Variants in ANKRD31 observed in about 807,000 individuals in gnomAD.
The protein encoded by ANKRD31 is ankyrin repeat domain 31, also known as ankyrin repeat domain-containing protein 31.
A neutral mutation model predicts 186.0 loss-of-function variants in ANKRD31; 147 were observed. The observed-to-expected ratio is 0.79, with a 90% confidence interval of 0.69 to 0.91. The LOEUF is 0.91. Ranked by LOEUF, ANKRD31 falls within the 40% of genes least tolerant of loss-of-function variation. ANKRD31 has a pLI of 0.00. For synonymous variants in ANKRD31, 673 were observed against 736.4 expected (o/e 0.91, Z 1.39); for missense variants, 1,986 against 2,148.8 (o/e 0.92, Z 1.50).
Position 75,147,376 on chromosome 5 carries a change from A to T in ANKRD31, c.2035T>A (p.Tyr679Asn). The T allele has an allele frequency of 3.9e-6, 6 of 1,528,422 alleles. No individual in the cohort carries two copies. Among genetic ancestry groups the T allele is most frequent in the Non-Finnish European group, 5.2e-6 (6 of 1,143,246 alleles). The allele number at this position is 1,528,422 out of a possible 1,614,324, so 94.7% of individuals were successfully genotyped here. A position where few individuals can be genotyped will look rare whatever the true frequency, so the allele number is the denominator to read the frequency against. The change falls in exon 14 of 26, where the codon TAT (tyrosine) becomes AAT (asparagine). Residue 679 changes from tyrosine (Y) to asparagine (N), a missense_variant. Tyr to Asn is a moderately radical substitution (Grantham distance 143, BLOSUM62 -2). Transcript: ENST00000506364. ...TTGGGATCTTTTTGGTAATATTCAT[A>T]TACATCTTCTTTATTTATAAATAAA... ...ASLFINKEDV[Y>N]EYYQKDPKNT...
chr5:75,155,327 A>T (rs1345976384), intron 11 of ANKRD31, among the ~76,000 whole-genome samples: 1 of 152,060 alleles, frequency 6.6e-6, no homozygotes, highest in Admixed American at 6.6e-5. Flanking sequence ...ATGGTCATAT[A>T]TTATATACAC....
rs557116618 is a variant in ANKRD31 at position 75,145,604 on chromosome 5, G to A, written c.3424+383C>T. On this transcript the variant is annotated intron_variant, in intron 14 of 25. Coordinates refer to ENST00000506364, the MANE Select transcript of ANKRD31 (RefSeq NM_001372053.1). Reference sequence around the variant, plus strand: ...CATGGGGTGGGGGGGCTACTGGTGGGATAGCATTAGAAGAAATACCTAAGG... The same window carrying A: ...CATGGGGTGGGGGGGCTACTGGTGGAATAGCATTAGAAGAAATACCTAAGG... Among the ~76,000 whole-genome samples, 68 of 152,036 alleles carry A rather than the reference G, an allele frequency of 4.5e-4. No individual in the cohort carries two copies. The South Asian group carries it at 6.7e-3, about 15-fold the overall frequency.
intron 22 of ANKRD31, among the ~76,000 whole-genome samples, chr5:75,094,890 A>G (rs1746194626): frequency 6.6e-6 from 1 of 152,206 alleles, no homozygotes; most frequent in Non-Finnish European, 1.5e-5. Context: ...ATGGCTATAC[A>G]ATATCAAACA....
At chr5:75,226,786 G>A (rs181750300) in intron 2 of ANKRD31, among the ~76,000 whole-genome samples, 12 of 152,318 alleles carry the variant, frequency 7.9e-5, no homozygotes, top group Admixed American at 6.5e-4. Context: ...TGGTGAAGAT[G>A]TGGAGAAAAG....
intron 5 of ANKRD31, 27 bp from the exon 6 acceptor site, chr5:75,199,701 C>A: frequency 6.6e-7 from 1 of 1,525,204 alleles, no homozygotes; most frequent in Non-Finnish European, 8.8e-7. Flanking sequence ...TGTTTTCATT[C>A]CAGTTTTATG....
chr5:75,187,423 G>A (rs1220700649), intron 10 of ANKRD31, among the ~76,000 whole-genome samples: 1 of 151,568 alleles, frequency 6.6e-6, no homozygotes, highest in African/African-American at 2.4e-5. Context: ...AAGACAAGAA[G>A]GGAACAGCCA....
At chr5:75,089,759 T>C (rs1329172679) in intron 23 of ANKRD31, among the ~76,000 whole-genome samples, 1 of 152,260 alleles carries the variant, frequency 6.6e-6, no homozygotes, top group African/African-American at 2.4e-5. Context: ...TATCTGATAA[T>C]TGCCCTACTT....
chr5:75,163,117 T>A (rs1752681024), intron 11 of ANKRD31, among the ~76,000 whole-genome samples: 1 of 152,226 alleles, frequency 6.6e-6, no homozygotes, highest in Non-Finnish European at 1.5e-5. Flanking sequence ...GTTCTTTTTG[T>A]TAGAGTATAT....
At position 75,112,591 on chromosome 5, in the gene ANKRD31, G is replaced by C. The variant is rs1480259042; in HGVS notation, c.4165C>G (p.Leu1389Val). 1.3e-6 allele frequency: 2 copies of C among 1,517,116 alleles called. No individual in the cohort carries two copies. Among genetic ancestry groups the C allele is most frequent in the African/African-American group, 2.8e-5 (2 of 72,224 alleles). 94.0% of individuals were successfully genotyped at this position (1,517,116 alleles called of 1,614,324 possible). A position where few individuals can be genotyped will look rare whatever the true frequency, so the allele number is the denominator to read the frequency against. Residue 1389 changes from leucine (L) to valine (V), a missense_variant, in exon 20 of 26, where the codon CTC (leucine) becomes GTC (valine). Coordinates refer to ENST00000506364, the MANE Select transcript of ANKRD31 (RefSeq NM_001372053.1). ...TCTATATCTTGTAGAATGGCACTGA[G>C]GGTCTGATGCTATCAGATAAAAATA... ...SRESLSVHQT[L>V]SAILQDIEEK...
At chr5:75,216,827 T>C (rs142277253) in intron 3 of ANKRD31, among the ~76,000 whole-genome samples, 5 of 151,768 alleles carry the variant, frequency 3.3e-5, no homozygotes, top group Admixed American at 2.0e-4. Flanking sequence ...TAAAAAAAAA[T>C]TGAGATCTTT....
chr5:75,092,370 C>T (rs1397677119), intron 22 of ANKRD31, among the ~76,000 whole-genome samples: 2 of 152,298 alleles, frequency 1.3e-5, no homozygotes, highest in African/African-American at 4.8e-5. Flanking sequence ...GGAACTATCC[C>T]TTCAAAGGAG....
At chr5:75,119,938 A>G (rs887890135) in intron 17 of ANKRD31, among the ~76,000 whole-genome samples, 14 of 152,162 alleles carry the variant, frequency 9.2e-5, no homozygotes, top group Admixed American at 5.2e-4. Context: ...AAACTTCGAA[A>G]CCCCATCATT....
chr5:75,164,489 A>C (rs562270784), intron 11 of ANKRD31, among the ~76,000 whole-genome samples: 1 of 152,348 alleles, frequency 6.6e-6, no homozygotes, highest in South Asian at 2.1e-4. Context: ...AGAGCTTTTT[A>C]AAGGTAGAGA....
chr5:75,196,117 C>T lies in ANKRD31; in HGVS notation c.531G>A (p.Lys177=), dbSNP rs2150251641. ...TCTCTGGCTCTACTAATGATGTCTC[C>T]TTTACAGCAACTGTATCAGATACTG... ...AITVSDTVAV[K]ETSLVEPEKI... The change falls in exon 7 of 26, where the codon AAG becomes AAA. Residue 177 remains lysine (K), a synonymous_variant. Transcript: ENST00000506364. The T allele has an allele frequency of 6.5e-7, 1 of 1,535,614 alleles. No homozygotes were observed. The highest frequency in any genetic ancestry group is 1.7e-4 in the Middle Eastern group (1 of 5,972).
chr5:75,204,157 T>C (rs750464433), intron 5 of ANKRD31, among the ~76,000 whole-genome samples: 1 of 152,206 alleles, frequency 6.6e-6, no homozygotes, highest in South Asian at 2.1e-4. Context: ...TTGAAATAAT[T>C]TTTTACCATT....
rs570362277 is a variant in ANKRD31 at position 75,134,553 on chromosome 5, A to G, written c.3876+3303T>C. 3.8e-4 allele frequency among the ~76,000 whole-genome samples: 58 copies of G among 152,342 alleles called. 1 individual carries two copies. The South Asian group carries it at 0.012, about 31-fold the overall frequency. On this transcript the variant is annotated intron_variant, in intron 17 of 25. Coordinates refer to ENST00000506364, the MANE Select transcript of ANKRD31 (RefSeq NM_001372053.1). ...TACCAACCAAAAAAAGTCCAGGACC[A>G]GACGGATTCACAGCTAAATTCTACC...
intron 3 of ANKRD31, 38 bp from the exon 4 acceptor site, chr5:75,210,903 T>A (rs1364157755): frequency 7.2e-7 from 1 of 1,395,854 alleles, no homozygotes; most frequent in Non-Finnish European, 9.5e-7. Flanking sequence ...AACTGATAAG[T>A]GTTAATTCAA....
intron 3 of ANKRD31, among the ~76,000 whole-genome samples, chr5:75,213,575 T>C (rs1201114344): frequency 2.6e-5 from 4 of 152,196 alleles, no homozygotes; most frequent in Non-Finnish European, 5.9e-5. Flanking sequence ...CAAGAATACA[T>C]GTCAATCAAT....
chr5:75,173,535 C>A (rs2150198725), intron 10 of ANKRD31, among the ~76,000 whole-genome samples: 1 of 152,278 alleles, frequency 6.6e-6, no homozygotes, highest in South Asian at 2.1e-4. Flanking sequence ...TCAGCAAAGT[C>A]TCAGGATACA....
Sources: allele counts gnomAD v4.1 joint callset (sites outside exome capture counted in the v4.1 genomes callset), GRCh38; gene constraint gnomAD v4.1.1; transcripts MANE v1.5; gene names NCBI Gene and HGNC (gene_info 2026-07-23, HGNC 2026-07-21).